CCDC91: variants seen among roughly 807,000 people sequenced by gnomAD.
The protein encoded by CCDC91 is coiled-coil domain-containing protein 91.
In CCDC91, 48 loss-of-function variants were observed where a neutral mutation model predicts 63.2. The observed-to-expected ratio is 0.76, with a 90% confidence interval of 0.60 to 0.97. The LOEUF is 0.97. CCDC91 is among the 50% of genes least tolerant of loss of function. The pLI is 0.00. For synonymous variants in CCDC91, 167 were observed against 165.8 expected (o/e 1.01, Z -0.06); for missense variants, 500 against 494.6 (o/e 1.01, Z -0.10).
intron 12 of CCDC91, among the ~76,000 whole-genome samples, chr12:28,538,554 C>CA (rs1942374044): frequency 6.6e-6 from 1 of 151,980 alleles, no homozygotes; most frequent in Non-Finnish European, 1.5e-5. Context: ...GTGAATAGTG[C>CA]CACAATAAAC....
intron 3 of CCDC91, among the ~76,000 whole-genome samples, chr12:28,285,317 C>G (rs1948847112): frequency 6.6e-6 from 1 of 152,072 alleles, no homozygotes; most frequent in African/African-American, 2.4e-5. Context: ...TGCAGACTCA[C>G]TAATCTCATT....
intron 6 of CCDC91, among the ~76,000 whole-genome samples, chr12:28,311,441 A>T (rs943444069): frequency 3.3e-5 from 5 of 152,042 alleles, no homozygotes; most frequent in African/African-American, 1.2e-4. Context: ...GTTTTCTCTG[A>T]TACCACATCG....
At chr12:28,277,600 C>T (rs2136503247) in intron 3 of CCDC91, among the ~76,000 whole-genome samples, 1 of 152,110 alleles carries the variant, frequency 6.6e-6, no homozygotes, top group South Asian at 2.1e-4. Flanking sequence ...CTGAATACTT[C>T]TGGTCTCAAG....
At chr12:28,491,377 G>A (rs1241835736) in intron 12 of CCDC91, among the ~76,000 whole-genome samples, 1 of 151,746 alleles carries the variant, frequency 6.6e-6, no homozygotes. Context: ...AAAGCTTAAA[G>A]CCTTATTTTG....
chr12:28,410,212 G>A (rs1214601046), intron 8 of CCDC91, among the ~76,000 whole-genome samples: 1 of 152,078 alleles, frequency 6.6e-6, no homozygotes, highest in Non-Finnish European at 1.5e-5. Flanking sequence ...CTTATATTTA[G>A]TGTATTCACA....
intron 12 of CCDC91, among the ~76,000 whole-genome samples, chr12:28,533,019 C>G (rs1475220490): frequency 1.3e-5 from 2 of 152,030 alleles, no homozygotes; most frequent in Non-Finnish European, 1.5e-5. Flanking sequence ...ATTCAGAAAA[C>G]CTTTATTAAA....
At chr12:28,303,626 ATACT>A (rs1254240061) in intron 3 of CCDC91, among the ~76,000 whole-genome samples, 1 of 152,154 alleles carries the variant, frequency 6.6e-6, no homozygotes, top group Non-Finnish European at 1.5e-5. Context: ...ACCTTTAAAC[ATACT>A]TGCTCAATAA....
At chr12:28,366,987 C>T (rs57407565) in intron 7 of CCDC91, among the ~76,000 whole-genome samples, 1,597 of 151,972 alleles carry the variant, frequency 0.011, 34 homozygotes, top group African/African-American at 0.036. Context: ...TCATTTTTCT[C>T]GGCTGGAGTG....
chr12:28,229,324 G>A (rs1944453039), intron 1 of CCDC91, among the ~76,000 whole-genome samples: 1 of 152,014 alleles, frequency 6.6e-6, no homozygotes, highest in African/African-American at 2.4e-5. Context: ...TATGAATGGA[G>A]TGCATATCCT....
At chr12:28,460,598 G>A (rs1427848841) in intron 11 of CCDC91, among the ~76,000 whole-genome samples, 2 of 151,964 alleles carry the variant, frequency 1.3e-5, no homozygotes, top group Non-Finnish European at 2.9e-5. Flanking sequence ...AAAAAGCTTA[G>A]AAACCATAAC....
rs1338105018 is a variant in CCDC91 at position 28,499,510 on chromosome 12, C to A, written c.1215+15345C>A. On this transcript the variant is annotated intron_variant, in intron 12 of 12. Transcript: ENST00000536442. ...TCCTAATGCTATCCTTCCCCTACCC[C>A]CCACTCCCTTACAGGCCCAGATGTA... Among the ~76,000 whole-genome samples, 6 of 151,932 alleles carry A rather than the reference C, an allele frequency of 3.9e-5. No individual in the cohort carries two copies. In the East Asian group the frequency reaches 1.2e-3, roughly 29 times the overall value.
intron 12 of CCDC91, among the ~76,000 whole-genome samples, chr12:28,519,203 T>G (rs1184903295): frequency 1.3e-5 from 2 of 152,134 alleles, no homozygotes; most frequent in Non-Finnish European, 2.9e-5. Flanking sequence ...TCCATTTGTT[T>G]GTGTAGTCTA....
At chr12:28,501,970 T>C (rs370336303) in intron 12 of CCDC91, among the ~76,000 whole-genome samples, 1 of 152,062 alleles carries the variant, frequency 6.6e-6, no homozygotes, top group African/African-American at 2.4e-5. Flanking sequence ...TCCATTTCTT[T>C]TAGATTTTCT....
intron 1 of CCDC91, chr12:28,236,502 T>A (rs921955090): frequency 1.3e-5 from 2 of 151,950 alleles, no homozygotes; most frequent in African/African-American, 4.8e-5. Flanking sequence ...TATCTTTTCT[T>A]CATATAAAAT....
intron 12 of CCDC91, among the ~76,000 whole-genome samples, chr12:28,546,170 T>C (rs1172372021): frequency 1.3e-5 from 2 of 152,094 alleles, no homozygotes; most frequent in Non-Finnish European, 2.9e-5. Context: ...CAGTTTTTAT[T>C]GCATTGTTTA....
Position 28,206,370 on chromosome 12 carries a change from C to T in CCDC91, c.-15+15729C>T, listed in dbSNP as rs2135454354. ...ATAGGTTACAGTATCCTCATGGTCA[C>T]ACATTTCTTTCAGCTCTTGTCATTC... On this transcript the variant is annotated intron_variant, in intron 1 of 12. Coordinates refer to ENST00000536442, the MANE Select transcript of CCDC91 (RefSeq NM_018318.5). Among the ~76,000 whole-genome samples, 3 of 152,298 alleles carry T rather than the reference C, an allele frequency of 2.0e-5. No homozygotes were observed. The South Asian group carries it at 6.2e-4, about 32-fold the overall frequency.
chr12:28,402,142 A>G (rs1946661178), intron 8 of CCDC91, among the ~76,000 whole-genome samples: 1 of 152,160 alleles, frequency 6.6e-6, no homozygotes, highest in African/African-American at 2.4e-5. Flanking sequence ...CCTGTGCGTT[A>G]CATGATACTT....
At chr12:28,346,304 T>C (rs1942805259) in intron 6 of CCDC91, among the ~76,000 whole-genome samples, 1 of 152,184 alleles carries the variant, frequency 6.6e-6, no homozygotes, top group Admixed American at 6.5e-5. Context: ...AGCCTTGACT[T>C]TTAGAAGTGT....
chr12:28,387,059 G>A (rs1382596174), intron 7 of CCDC91, among the ~76,000 whole-genome samples: 2 of 152,212 alleles, frequency 1.3e-5, no homozygotes, highest in South Asian at 2.1e-4. Context: ...TGTGAGAAAC[G>A]TAAAGGAATC....
Sources: gnomAD v4.1 joint callset for allele counts (sites outside exome capture counted in the v4.1 genomes callset) on GRCh38, gnomAD v4.1.1 for gene constraint, MANE v1.5 for transcripts, NCBI Gene and HGNC (gene_info 2026-07-23, HGNC 2026-07-21) for gene names.